The following CACNA1B variants were observed in gnomAD, a reference collection of about 807,000 sequenced individuals.
The protein encoded by CACNA1B is calcium voltage-gated channel subunit alpha1 B.
A neutral mutation model predicts 247.2 loss-of-function variants in CACNA1B; 70 were observed. The observed-to-expected ratio is 0.28, with a 90% CI of 0.23 to 0.35. The LOEUF is 0.35. Ranked by LOEUF, CACNA1B falls within the 10% of genes least tolerant of loss-of-function variation. CACNA1B has a pLI of 1.00. For synonymous variants in CACNA1B, 1,231 were observed against 1,294.4 expected, an observed-to-expected ratio of 0.95 and a Z score of 1.05; for missense variants, 2,367 against 3,197.4, an observed-to-expected ratio of 0.74 and a Z score of 6.26.
chr9:138,006,802 T>C lies in CACNA1B; in HGVS notation c.2010T>C (p.Tyr670=). The C allele has an allele frequency of 6.2e-7, 1 of 1,610,810 alleles. No individual in the cohort carries two copies. Among genetic ancestry groups the C allele is most frequent in the Non-Finnish European group, 8.5e-7 (1 of 1,177,062 alleles). ...GAGAGGACTGGAATGCAGTGATGTA[T>C]CACGGGATCGAATCGCAAGGCGGCG... ...LTGEDWNAVM[Y]HGIESQGGVS... The change falls in exon 16 of 47, where the codon TAT becomes TAC. Residue 670 remains tyrosine, a synonymous_variant. Transcript: ENST00000371372.
intron 40 of CACNA1B, among the ~76,000 whole-genome samples, 191 bp from the exon 41 acceptor site, chr9:138,114,187 G>A (rs1252085244): frequency 6.6e-6 from 1 of 152,174 alleles, no homozygotes; most frequent in Non-Finnish European, 1.5e-5. Flanking sequence ...ATCTGGAGGA[G>A]CCCTAGGTAG....
intron 3 of CACNA1B, among the ~76,000 whole-genome samples, chr9:137,901,052 G>A (rs540771709): frequency 8.5e-5 from 11 of 128,864 alleles, no homozygotes; most frequent in African/African-American, 1.5e-4. Context: ...CTGTGTGTCC[G>A]TGTGTCTGTG....
chr9:138,009,781 G>C (rs899347634), intron 16 of CACNA1B, among the ~76,000 whole-genome samples: 2 of 152,228 alleles, frequency 1.3e-5, no homozygotes, highest in African/African-American at 4.8e-5. Flanking sequence ...GGTGATGGGA[G>C]GCTGAGCAAA....
intron 36 of CACNA1B, among the ~76,000 whole-genome samples, chr9:138,088,011 A>G (rs1203716816): frequency 6.6e-6 from 1 of 152,150 alleles, no homozygotes; most frequent in Admixed American, 6.5e-5. Flanking sequence ...AACAAAAATA[A>G]TAAAGATCAG....
At chr9:137,907,989 C>G (rs1027296010) in intron 3 of CACNA1B, among the ~76,000 whole-genome samples, 2 of 152,236 alleles carry the variant, frequency 1.3e-5, no homozygotes, top group Non-Finnish European at 2.9e-5. Flanking sequence ...CACCCGGTTT[C>G]ATACGTCAGG....
chr9:137,949,663 G>T (rs1957856377), intron 6 of CACNA1B, among the ~76,000 whole-genome samples: 1 of 152,080 alleles, frequency 6.6e-6, no homozygotes, highest in Non-Finnish European at 1.5e-5. Flanking sequence ...AGCTGATGAT[G>T]CAGTTCCCGA....
chr9:138,074,679 C>T (rs1960253798), intron 34 of CACNA1B, among the ~76,000 whole-genome samples: 1 of 152,364 alleles, frequency 6.6e-6, no homozygotes, highest in Admixed American at 6.5e-5. Flanking sequence ...CAGGTGGATG[C>T]ACCGTGGTGT....
Position 137,971,576 on chromosome 9 carries a change from G to T in CACNA1B, c.1527G>T (p.Arg509=), listed in dbSNP as rs201643204. Residue 509 remains arginine (R), a synonymous_variant, in exon 11 of 47, where the codon CGG becomes CGT. Transcript: ENST00000371372. This position sits in a 1 kb window ranked among gnomAD's most constrained non-coding sequence, Gnocchi z 4.4. ...VAMVHYNQPR[R]LTTTLYFAEF... ...TGGTGCATTACAACCAGCCGCGGCG[G>T]CTTACCACGACCCTGTGTACGTATC... is the stretch of plus-strand genomic sequence containing the variant. The T allele has an allele frequency of 8.7e-6, 14 of 1,612,916 alleles. No individual in the cohort carries two copies. The highest frequency in any genetic ancestry group is 2.2e-5 in the East Asian group (1 of 44,854).
At chr9:138,101,264 C>A in intron 37 of CACNA1B, 1 of 485,874 alleles carries the variant, frequency 2.1e-6, no homozygotes, top group Non-Finnish European at 4.3e-6. Context: ...AGCACACACT[C>A]CCTGCCTGGT....
At chr9:137,892,549 G>A (rs1957117738) in intron 3 of CACNA1B, 1 of 366,616 alleles carries the variant, frequency 2.7e-6, no homozygotes, top group Admixed American at 3.4e-5. Flanking sequence ...TCAGCCTCTG[G>A]GCCTGACAAC....
At chr9:137,992,527 T>C (rs186835975) in intron 15 of CACNA1B, among the ~76,000 whole-genome samples, 1 of 152,216 alleles carries the variant, frequency 6.6e-6, no homozygotes, top group Non-Finnish European at 1.5e-5. Context: ...ACTAGACAGG[T>C]CCTCAAGACA....
intron 36 of CACNA1B, among the ~76,000 whole-genome samples, chr9:138,079,351 C>T (rs778266958): frequency 1.3e-5 from 2 of 152,110 alleles, no homozygotes; most frequent in Non-Finnish European, 2.9e-5. Context: ...TGAGGTGGAG[C>T]AGTCCAGGAG....
chr9:137,894,629 C>T (rs1221439198), intron 3 of CACNA1B, among the ~76,000 whole-genome samples: 1 of 152,066 alleles, frequency 6.6e-6, no homozygotes, highest in African/African-American at 2.4e-5. Flanking sequence ...AGGATGATCT[C>T]GATCTCCTGA....
At position 137,893,645 on chromosome 9, in the gene CACNA1B, T is replaced by C. The variant is rs564856737; in HGVS notation, c.530+10762T>C. Among the ~76,000 whole-genome samples, 26 of 150,278 alleles carry C rather than the reference T, an allele frequency of 1.7e-4. No homozygotes were observed. The South Asian group carries it at 5.5e-3, about 32-fold the overall frequency. On this transcript the variant is annotated intron_variant, in intron 3 of 46. Transcript: ENST00000371372. Reference sequence around the variant, plus strand: ...CAGCCTGGGCGACAGAGTGAGACTCTGTCTCAAAAAAAAAAAAATGAAACA... The same window carrying C: ...CAGCCTGGGCGACAGAGTGAGACTCCGTCTCAAAAAAAAAAAAATGAAACA...
At chr9:138,000,342 C>T (rs1283892147) in intron 15 of CACNA1B, among the ~76,000 whole-genome samples, 2 of 152,148 alleles carry the variant, frequency 1.3e-5, no homozygotes, top group Non-Finnish European at 2.9e-5. Context: ...TCGTGATCAG[C>T]CCGCCTTGGC....
intron 3 of CACNA1B, among the ~76,000 whole-genome samples, chr9:137,912,824 G>A (rs1957372683): frequency 6.6e-6 from 1 of 152,174 alleles, no homozygotes; most frequent in African/African-American, 2.4e-5. Flanking sequence ...TAGGGGATAT[G>A]GGTCAGCCTT....
intron 12 of CACNA1B, among the ~76,000 whole-genome samples, chr9:137,981,865 A>G (rs374360311): frequency 1.4e-4 from 21 of 152,190 alleles, no homozygotes; most frequent in African/African-American, 4.6e-4. Context: ...CTAGTTTCCT[A>G]TGAAATTCTC....
intron 35 of CACNA1B, 119 bp from the exon 36 acceptor site, chr9:138,077,995 C>A: frequency 1.3e-6 from 1 of 766,696 alleles, no homozygotes; most frequent in Non-Finnish European, 2.1e-6. Context: ...CCAGGCCTGG[C>A]ACATGTGTGA....
At chr9:138,028,757 C>A (rs1385457490) in intron 20 of CACNA1B, among the ~76,000 whole-genome samples, 1 of 152,192 alleles carries the variant, frequency 6.6e-6, no homozygotes, top group African/African-American at 2.4e-5. Flanking sequence ...AGGATTCAGA[C>A]TTGCTTGGTC....
Sources: allele counts gnomAD v4.1 joint callset (sites outside exome capture counted in the v4.1 genomes callset), GRCh38; gene constraint gnomAD v4.1.1; non-coding constraint Gnocchi (gnomAD v3.1); transcripts MANE v1.5; gene names NCBI Gene and HGNC (gene_info 2026-07-23, HGNC 2026-07-21).